The following PDE4B variants were observed in gnomAD, a reference collection of about 807,000 sequenced individuals.
PDE4B encodes phosphodiesterase 4B.
In PDE4B, 20 loss-of-function variants were observed where a neutral mutation model predicts 82.2. The observed-to-expected ratio is 0.24, with a 90% CI of 0.17 to 0.35. The LOEUF (loss-of-function observed/expected upper bound fraction) is 0.35. Among genes scored for constraint, PDE4B ranks in the 10% least tolerant of loss-of-function variants. The pLI is 1.00. For synonymous variants in PDE4B, 320 were observed against 318.9 expected, an observed-to-expected ratio of 1.00 and a Z score of -0.04; for missense variants, 655 against 907.2, an observed-to-expected ratio of 0.72 and a Z score of 3.57.
chr1:66,301,798 C>T (rs1200648503), intron 7 of PDE4B, among the ~76,000 whole-genome samples: 1 of 152,144 alleles, frequency 6.6e-6, no homozygotes, highest in African/African-American at 2.4e-5. Context: ...GGTTATTCTA[C>T]CCATGCGAGT....
At chr1:66,160,664 A>C (rs965971356) in intron 3 of PDE4B, among the ~76,000 whole-genome samples, 11 of 152,202 alleles carry the variant, frequency 7.2e-5, no homozygotes, top group African/African-American at 2.7e-4. Context: ...ACAAGAATAA[A>C]AAGATATCTA....
chr1:66,037,125 CAA>C (rs71058446), intron 3 of PDE4B, among the ~76,000 whole-genome samples: 26 of 86,644 alleles, frequency 3.0e-4, no homozygotes, highest in Non-Finnish European at 3.0e-4. Context: ...GACTCTGCCT[CAA>C]AAAAAAAAAA....
At chr1:66,354,565 A>T (rs1353193652) in intron 8 of PDE4B, 7 of 1,247,984 alleles carry the variant, frequency 5.6e-6, no homozygotes, top group Non-Finnish European at 7.1e-6. Context: ...AGCTGAATAC[A>T]TTTGGACAGG....
intron 3 of PDE4B, among the ~76,000 whole-genome samples, chr1:66,185,149 G>A (rs554448995): frequency 1.3e-5 from 2 of 152,244 alleles, no homozygotes; most frequent in South Asian, 4.1e-4. Flanking sequence ...CTTCATCCAT[G>A]TCCCTACAAA....
At chr1:66,233,947 TG>T in intron 3 of PDE4B, among the ~76,000 whole-genome samples, 1 of 152,302 alleles carries the variant, frequency 6.6e-6, no homozygotes. Flanking sequence ...TTGTTCCATG[TG>T]TGTTTATGGT....
chr1:65,801,920 GA>G (rs971958662), intron 1 of PDE4B, among the ~76,000 whole-genome samples: 2 of 152,234 alleles, frequency 1.3e-5, no homozygotes, highest in African/African-American at 4.8e-5. Flanking sequence ...AAAGGTGAAA[GA>G]AGGTTGGAAT....
chr1:66,097,878 A>G lies in PDE4B; in HGVS notation c.282-149582A>G, dbSNP rs184020933. The stretch of plus-strand genomic sequence containing the variant: ...TGCTGCTGGGTTTTTTTTTTTTTGT[A>G]TTTTTTAAAGTGGTGATAGATTTTG... On this transcript the variant is annotated intron_variant, in intron 3 of 16. Transcript: ENST00000341517. Among the ~76,000 whole-genome samples the G allele has an allele frequency of 1.3e-3, 142 of 106,956 alleles. No individual in the cohort carries two copies. In the Middle Eastern group the frequency reaches 0.031, roughly 23 times the overall value. The allele number at this position is 106,956 out of a possible 152,430, so 70.2% of individuals were successfully genotyped here. A position where few individuals can be genotyped will look rare whatever the true frequency, so the allele number is the denominator to read the frequency against.
intron 1 of PDE4B, among the ~76,000 whole-genome samples, chr1:65,895,549 C>CA (rs10605148): frequency 0.017 from 1,586 of 91,696 alleles, 29 homozygotes; most frequent in South Asian, 0.022. Context: ...GACACTGTCT[C>CA]AAAAAAAAAA....
At chr1:65,993,290 A>G (rs1317826486) in intron 3 of PDE4B, 2 of 613,528 alleles carry the variant, frequency 3.3e-6, no homozygotes, top group Non-Finnish European at 2.8e-6. Context: ...TCAGATGAAG[A>G]GTACATAAAT....
intron 3 of PDE4B, among the ~76,000 whole-genome samples, chr1:65,965,046 AG>A (rs1370712145): frequency 6.6e-6 from 1 of 152,114 alleles, no homozygotes; most frequent in Non-Finnish European, 1.5e-5. Context: ...TGAATTTTGA[AG>A]GGGATAGAAT....
intron 16 of PDE4B, among the ~76,000 whole-genome samples, chr1:66,371,256 G>A (rs888708906): frequency 1.3e-5 from 2 of 150,640 alleles, no homozygotes; most frequent in Admixed American, 6.6e-5. Context: ...AGTGTGGAAA[G>A]AGACCTATAT....
intron 3 of PDE4B, among the ~76,000 whole-genome samples, chr1:65,953,712 ACCT>A (rs1308825373): frequency 6.6e-6 from 1 of 152,100 alleles, no homozygotes; most frequent in African/African-American, 2.4e-5. Context: ...AAACTAATAA[ACCT>A]CCTACCTTCA....
chr1:66,082,103 G>T (rs908976831), intron 3 of PDE4B, among the ~76,000 whole-genome samples: 1 of 152,044 alleles, frequency 6.6e-6, no homozygotes, highest in Non-Finnish European at 1.5e-5. Context: ...TTAAAACAAA[G>T]GAATATGATA....
intron 13 of PDE4B, among the ~76,000 whole-genome samples, chr1:66,366,727 T>C (rs1663278283): frequency 6.6e-6 from 1 of 152,190 alleles, no homozygotes; most frequent in African/African-American, 2.4e-5. Flanking sequence ...TCATGAATCA[T>C]ATATAGGCCA....
intron 1 of PDE4B, among the ~76,000 whole-genome samples, chr1:65,813,330 TG>T (rs1645841092): frequency 6.6e-6 from 1 of 152,088 alleles, no homozygotes; most frequent in Admixed American, 6.6e-5. Flanking sequence ...TTTAATTAAT[TG>T]GGGGAATTGA....
chr1:66,060,595 T>A (rs1023985472), intron 3 of PDE4B, among the ~76,000 whole-genome samples: 15 of 152,208 alleles, frequency 9.9e-5, no homozygotes, highest in African/African-American at 3.6e-4. Flanking sequence ...CATGCTGAAA[T>A]TGTAAAATTT....
chr1:65,949,236 T>C (rs1311586269), intron 3 of PDE4B, among the ~76,000 whole-genome samples: 1 of 152,126 alleles, frequency 6.6e-6, no homozygotes, highest in African/African-American at 2.4e-5. Context: ...TGGGCATGTC[T>C]TATGGGCCTC....
At chr1:66,286,550 A>G (rs1036694898) in intron 7 of PDE4B, among the ~76,000 whole-genome samples, 1 of 152,150 alleles carries the variant, frequency 6.6e-6, no homozygotes, top group South Asian at 2.1e-4. Context: ...CATGGCAAAC[A>G]GTGGTGTTTG....
At chr1:66,111,581 A>G (rs1010185677) in intron 3 of PDE4B, among the ~76,000 whole-genome samples, 11 of 152,058 alleles carry the variant, frequency 7.2e-5, no homozygotes, top group African/African-American at 2.7e-4. Context: ...TCTATGTTGT[A>G]GCATGCATTA....
Sources: gnomAD v4.1 joint callset for allele counts (sites outside exome capture counted in the v4.1 genomes callset) on GRCh38, gnomAD v4.1.1 for gene constraint, MANE v1.5 for transcripts, NCBI Gene and HGNC (gene_info 2026-07-23, HGNC 2026-07-21) for gene names.